CRACD: variants seen among roughly 807,000 people sequenced by gnomAD.
CRACD encodes the protein capping protein-inhibiting regulator of actin dynamics.
CRACD carries 56 observed loss-of-function variants against 106.8 expected under a neutral mutation model. The ratio of observed to expected loss-of-function variants is 0.52; its 90% confidence interval spans 0.42 to 0.66. The LOEUF (loss-of-function observed/expected upper bound fraction) is 0.66. CRACD is among the 30% of genes least tolerant of loss of function. The pLI is 0.00. For synonymous variants in CRACD, 754 were observed against 670.8 expected (o/e 1.12, Z -1.92); for missense variants, 1,730 against 1,623.2 (o/e 1.07, Z -1.13).
At chr4:56,057,814 G>GTTTTTTTTTTTTTTT (rs1167413474) in intron 1 of CRACD, among the ~76,000 whole-genome samples, 42 of 67,304 alleles carry the variant, frequency 6.2e-4, no homozygotes, top group East Asian at 1.2e-3. Flanking sequence ...TTTTTTTTTT[G>GTTTTTTTTTTTTTTT]TTTTTTTTTT....
chr4:56,253,062 A>G (rs1741140742), intron 2 of CRACD, among the ~76,000 whole-genome samples: 1 of 152,104 alleles, frequency 6.6e-6, no homozygotes, highest in South Asian at 2.1e-4. Context: ...GGGTTATAGG[A>G]CTGTGACCTA....
At chr4:56,285,363 G>A (rs1347904174) in intron 3 of CRACD, among the ~76,000 whole-genome samples, 1 of 152,196 alleles carries the variant, frequency 6.6e-6, no homozygotes, top group Admixed American at 6.5e-5. Flanking sequence ...TGCGGTAATA[G>A]AACCCAGTGA....
At chr4:56,102,516 T>C (rs1233162143) in intron 1 of CRACD, among the ~76,000 whole-genome samples, 1 of 152,180 alleles carries the variant, frequency 6.6e-6, no homozygotes, top group Non-Finnish European at 1.5e-5. Flanking sequence ...TTATACCAAA[T>C]AGTCAGATCA....
At chr4:56,224,144 C>A (rs180937932) in intron 2 of CRACD, among the ~76,000 whole-genome samples, 1 of 147,332 alleles carries the variant, frequency 6.8e-6, no homozygotes, top group Non-Finnish European at 1.5e-5. Flanking sequence ...GAGTTTTCTT[C>A]GCTATTTTTT....
chr4:56,326,784 T>G (rs1452660980), intron 10 of CRACD, among the ~76,000 whole-genome samples: 1 of 149,144 alleles, frequency 6.7e-6, no homozygotes, highest in African/African-American at 2.5e-5. Flanking sequence ...CTGTCACCCA[T>G]GCTGGAGTGC....
intron 1 of CRACD, among the ~76,000 whole-genome samples, chr4:56,134,003 C>T (rs1488606433): frequency 6.6e-6 from 1 of 151,990 alleles, no homozygotes; most frequent in Non-Finnish European, 1.5e-5. Context: ...GAGTTCGAGA[C>T]CAGCTTGGGC....
intron 1 of CRACD, among the ~76,000 whole-genome samples, chr4:56,164,708 G>A (rs2109908530): frequency 6.6e-6 from 1 of 152,278 alleles, no homozygotes; most frequent in Admixed American, 6.5e-5. Flanking sequence ...TGGAGTGGTG[G>A]AAATGTTTTA....
intron 1 of CRACD, among the ~76,000 whole-genome samples, chr4:56,173,950 T>G (rs1057235488): frequency 6.6e-6 from 1 of 152,222 alleles, no homozygotes; most frequent in South Asian, 2.1e-4. Flanking sequence ...CATCGTACTT[T>G]TGATTTGTAT....
intron 2 of CRACD, among the ~76,000 whole-genome samples, chr4:56,262,854 G>A (rs997512338): frequency 6.6e-6 from 1 of 152,140 alleles, no homozygotes; most frequent in African/African-American, 2.4e-5. Context: ...ATTGCACTTC[G>A]ATTATTAAAG....
intron 3 of CRACD, among the ~76,000 whole-genome samples, chr4:56,291,885 AT>A (rs1743721537): frequency 6.6e-6 from 1 of 152,234 alleles, no homozygotes; most frequent in South Asian, 2.1e-4. Context: ...GTACCAAAGA[AT>A]GGGGCATTGC....
intron 4 of CRACD, chr4:56,301,237 G>A: frequency 7.8e-7 from 1 of 1,287,946 alleles, no homozygotes; most frequent in Non-Finnish European, 1.0e-6. Context: ...CGACTAAGCA[G>A]TATGTTCCTG....
Position 56,293,340 on chromosome 4 carries a change from T to C in CRACD, c.-16-4874T>C, listed in dbSNP as rs1743804214. ...ATGAAAGACATCAAGCTACAGATTTTAGAAGCATTGTGTAACCCAAGCTGA... is the reference window on the plus strand; with the variant it reads ...ATGAAAGACATCAAGCTACAGATTTCAGAAGCATTGTGTAACCCAAGCTGA... On this transcript the variant is annotated intron_variant, in intron 3 of 10. Coordinates refer to ENST00000682029, the MANE Select transcript of CRACD (RefSeq NM_001393381.1). Among the ~76,000 whole-genome samples the C allele has an allele frequency of 2.6e-5, 4 of 152,290 alleles. No homozygotes were observed. The South Asian group carries it at 8.3e-4, about 32-fold the overall frequency.
intron 2 of CRACD, among the ~76,000 whole-genome samples, chr4:56,190,984 G>A (rs1447547643): frequency 6.6e-6 from 1 of 152,132 alleles, no homozygotes; most frequent in Non-Finnish European, 1.5e-5. Flanking sequence ...TGAGGATTAT[G>A]CGGATTACAA....
rs1745690744 is a variant in CRACD at position 56,316,707 on chromosome 4, G to C, written c.3187+18G>C. ...GAGGAAAGGTAGGTAGCTGCAGGGTGGGTAACTGCTGCCAGCCGAGGTGTC... is the reference window on the plus strand; with the variant it reads ...GAGGAAAGGTAGGTAGCTGCAGGGTCGGTAACTGCTGCCAGCCGAGGTGTC... On this transcript the variant is annotated intron_variant, in intron 8 of 10. Transcript: ENST00000682029. The C allele has an allele frequency of 6.3e-7, 1 of 1,589,232 alleles. No individual in the cohort carries two copies.
intron 1 of CRACD, among the ~76,000 whole-genome samples, chr4:56,167,249 G>A (rs1444867211): frequency 1.3e-5 from 2 of 152,024 alleles, no homozygotes; most frequent in Admixed American, 6.6e-5. Context: ...TAAAAAGCAC[G>A]TGACAGATCC....
chr4:56,071,601 C>T (rs1035546436), intron 1 of CRACD, among the ~76,000 whole-genome samples: 12 of 151,866 alleles, frequency 7.9e-5, no homozygotes, highest in African/African-American at 2.9e-4. Context: ...CCTTTGCTTC[C>T]CAGGTTCAAG....
At chr4:56,075,517 T>C (rs1403165446) in intron 1 of CRACD, among the ~76,000 whole-genome samples, 1 of 152,210 alleles carries the variant, frequency 6.6e-6, no homozygotes. Flanking sequence ...TGTATTTCTG[T>C]GGGATCAGTG....
At position 56,316,223 on chromosome 4, in the gene CRACD, C is replaced by A; in HGVS notation, c.2721C>A (p.Pro907=). 1 of 1,614,048 alleles carries A rather than the reference C, an allele frequency of 6.2e-7. No homozygotes were observed. The highest frequency in any genetic ancestry group is 1.6e-4 in the Middle Eastern group (1 of 6,062). The change falls in exon 8 of 11, where the codon CCC becomes CCA. Residue 907 remains proline, a synonymous_variant. Coordinates refer to ENST00000682029, the MANE Select transcript of CRACD (RefSeq NM_001393381.1). ...CCCTCAAGCATGGTCCATCCCTCCCCCAAGAGCGGAAGCAAGCCCCTTCCA... is the reference window on the plus strand; with the variant it reads ...CCCTCAAGCATGGTCCATCCCTCCCACAAGAGCGGAAGCAAGCCCCTTCCA... ...GVALKHGPSL[P]QERKQAPSTR... is the part of the protein sequence containing the mutation.
intron 2 of CRACD, among the ~76,000 whole-genome samples, chr4:56,196,643 T>C (rs1737625245): frequency 6.6e-6 from 1 of 152,180 alleles, no homozygotes; most frequent in Non-Finnish European, 1.5e-5. Context: ...ACTAAACTCC[T>C]TTTAGGCTCT....
Sources: allele counts gnomAD v4.1 joint callset (sites outside exome capture counted in the v4.1 genomes callset), GRCh38; gene constraint gnomAD v4.1.1; transcripts MANE v1.5; gene names NCBI Gene and HGNC (gene_info 2026-07-23, HGNC 2026-07-21).